Variants in NOX3 observed in about 807,000 individuals in gnomAD.
NOX3 encodes NADPH oxidase catalytic subunit-like 3.
NOX3 carries 74 observed loss-of-function variants against 76.7 expected under a neutral mutation model. The ratio of observed to expected loss-of-function variants is 0.96; its 90% CI spans 0.80 to 1.17. The LOEUF (loss-of-function observed/expected upper bound fraction) is 1.17. Ranked by LOEUF, NOX3 falls within the 50% of genes most tolerant of loss-of-function variation. The probability of loss-of-function intolerance (pLI) is 0.00; values close to 1 mark genes in which losing one functional copy is unlikely to be tolerated. For missense variants in NOX3, 695 were observed against 703.3 expected (o/e 0.99, Z 0.13); for synonymous variants, 263 against 261.1 (o/e 1.01, Z -0.07).
chr6:155,408,265 C>T (rs1186408002), intron 11 of NOX3, among the ~76,000 whole-genome samples: 2 of 152,198 alleles, frequency 1.3e-5, no homozygotes. Context: ...GGATTACAGG[C>T]ATGAGCCACT....
intron 12 of NOX3, among the ~76,000 whole-genome samples, chr6:155,404,513 C>T (rs896997870): frequency 2.0e-5 from 3 of 152,158 alleles, no homozygotes; most frequent in African/African-American, 7.2e-5. Flanking sequence ...GAAAAGTCTC[C>T]AAGGCCACTG....
chr6:155,400,419 C>T (rs1322867288), intron 12 of NOX3, among the ~76,000 whole-genome samples: 1 of 152,184 alleles, frequency 6.6e-6, no homozygotes, highest in African/African-American at 2.4e-5. Context: ...TGAGTGCATT[C>T]TGCAAATAAA....
chr6:155,408,432 C>T (rs1367519988), intron 11 of NOX3, among the ~76,000 whole-genome samples: 2 of 152,194 alleles, frequency 1.3e-5, no homozygotes, highest in Admixed American at 1.3e-4. Flanking sequence ...CCCTCTGACT[C>T]ATCCTGACCC....
At chr6:155,396,530 G>A (rs1311109362) in intron 13 of NOX3, among the ~76,000 whole-genome samples, 1 of 152,212 alleles carries the variant, frequency 6.6e-6, no homozygotes, top group Non-Finnish European at 1.5e-5. Context: ...TGTGTGGATG[G>A]TCGATGTGCG....
intron 10 of NOX3, among the ~76,000 whole-genome samples, chr6:155,412,302 C>T (rs774101513): frequency 3.9e-5 from 6 of 151,992 alleles, no homozygotes; most frequent in Non-Finnish European, 7.4e-5. Context: ...CCCTCTCTGC[C>T]GGCCAGCTTG....
At chr6:155,414,629 T>TC (rs1776600836) in intron 10 of NOX3, among the ~76,000 whole-genome samples, 1 of 139,536 alleles carries the variant, frequency 7.2e-6, no homozygotes, top group African/African-American at 2.7e-5. Flanking sequence ...CTTTCTTTTT[T>TC]TTTTTTTTTT....
At chr6:155,414,932 T>A (rs1333891443) in intron 10 of NOX3, among the ~76,000 whole-genome samples, 1 of 152,142 alleles carries the variant, frequency 6.6e-6, no homozygotes, top group African/African-American at 2.4e-5. Context: ...CCAGCCACAT[T>A]CTTGTAGATA....
At chr6:155,427,214 A>G (rs1776769914) in intron 9 of NOX3, among the ~76,000 whole-genome samples, 1 of 152,020 alleles carries the variant, frequency 6.6e-6, no homozygotes, top group South Asian at 2.1e-4. Context: ...TGATGCTTCT[A>G]CTTGGCTTGG....
chr6:155,412,587 C>G (rs1449317414), intron 10 of NOX3, among the ~76,000 whole-genome samples: 1 of 152,186 alleles, frequency 6.6e-6, no homozygotes, highest in Non-Finnish European at 1.5e-5. Flanking sequence ...CCCTCAGTCT[C>G]TAAGCACAAT....
chr6:155,409,246 C>T (rs530543851), intron 11 of NOX3, among the ~76,000 whole-genome samples: 4 of 152,230 alleles, frequency 2.6e-5, no homozygotes, highest in South Asian at 2.1e-4. Flanking sequence ...TTAAGTGACA[C>T]GCCAGGTGTG....
chr6:155,452,479 A>G (rs1304490556), intron 4 of NOX3, among the ~76,000 whole-genome samples: 1 of 152,146 alleles, frequency 6.6e-6, no homozygotes, highest in Admixed American at 6.5e-5. Flanking sequence ...AGCAGTTCTC[A>G]GGTTGGTTTA....
chr6:155,431,475 A>T (rs977325145), intron 7 of NOX3, among the ~76,000 whole-genome samples: 1 of 150,010 alleles, frequency 6.7e-6, no homozygotes, highest in Admixed American at 6.7e-5. Flanking sequence ...TATAAAGTCA[A>T]TTTCCTGGCA....
At chr6:155,443,175 T>G in intron 5 of NOX3, 98 bp downstream of exon 5, 1 of 1,225,190 alleles carries the variant, frequency 8.2e-7, no homozygotes, top group Admixed American at 2.7e-5. Flanking sequence ...ATTCTCCAGC[T>G]CTTTTATTAA....
intron 7 of NOX3, 42 bp downstream of exon 7, chr6:155,436,376 G>T (rs1404426709): frequency 6.2e-7 from 1 of 1,610,784 alleles, no homozygotes; most frequent in Admixed American, 1.7e-5. Context: ...TATTTTAACT[G>T]TGGTGACATT....
intron 6 of NOX3, among the ~76,000 whole-genome samples, chr6:155,436,890 C>T (rs1776911664): frequency 6.6e-6 from 1 of 152,164 alleles, no homozygotes. Context: ...GTTCTGATTG[C>T]TGATTTGGGC....
At chr6:155,413,386 GGGC>G (rs1776578761) in intron 10 of NOX3, among the ~76,000 whole-genome samples, 1 of 151,998 alleles carries the variant, frequency 6.6e-6, no homozygotes, top group Non-Finnish European at 1.5e-5. Flanking sequence ...TAGGGCTTTG[GGGC>G]CGTTGTAGAC....
At chr6:155,441,354 C>T (rs1319083370) in intron 5 of NOX3, among the ~76,000 whole-genome samples, 1 of 152,146 alleles carries the variant, frequency 6.6e-6, no homozygotes, top group East Asian at 1.9e-4. Context: ...AGGGGTATGT[C>T]TCAAACATTT....
intron 10 of NOX3, among the ~76,000 whole-genome samples, chr6:155,419,166 G>C (rs1776657629): frequency 6.6e-6 from 1 of 152,206 alleles, no homozygotes; most frequent in Admixed American, 6.5e-5. Context: ...ACAAATATTA[G>C]TTACATAAGC....
chr6:155,433,590 A>T (rs1194076327), intron 7 of NOX3, among the ~76,000 whole-genome samples: 1 of 152,176 alleles, frequency 6.6e-6, no homozygotes, highest in Non-Finnish European at 1.5e-5. Flanking sequence ...GCTCTTAAAC[A>T]CTTTGGCTTT....
Sources: allele counts gnomAD v4.1 joint callset (sites outside exome capture counted in the v4.1 genomes callset), GRCh38; gene constraint gnomAD v4.1.1; transcripts MANE v1.5; gene names NCBI Gene and HGNC (gene_info 2026-07-23, HGNC 2026-07-21).